Variants in CCDC85A observed in about 807,000 individuals in gnomAD.
CCDC85A encodes coiled-coil domain containing 85A.
Under a neutral mutation model 50.2 loss-of-function variants are expected in CCDC85A, and 38 were observed. That is an observed-to-expected ratio of 0.76 (90% CI 0.58 to 0.99). The LOEUF is 0.99. CCDC85A is among the 50% of genes least tolerant of loss of function. The pLI is 0.00. For missense variants in CCDC85A, 820 were observed against 742.0 expected (o/e 1.11, Z -1.22); for synonymous variants, 366 against 301.4 (o/e 1.21, Z -2.22).
intron 3 of CCDC85A, among the ~76,000 whole-genome samples, chr2:56,365,580 T>G (rs1332686604): frequency 2.0e-5 from 3 of 152,128 alleles, no homozygotes; most frequent in African/African-American, 7.2e-5. Flanking sequence ...CACTCTGGGG[T>G]ATAAATTACT....
At chr2:56,314,082 A>G (rs1355702180) in intron 2 of CCDC85A, among the ~76,000 whole-genome samples, 1 of 147,784 alleles carries the variant, frequency 6.8e-6, no homozygotes, top group Non-Finnish European at 1.5e-5. Context: ...TTGAGATTGG[A>G]TCTAGTATGA....
intron 2 of CCDC85A, among the ~76,000 whole-genome samples, chr2:56,202,964 T>C (rs1271767162): frequency 1.3e-5 from 2 of 152,162 alleles, no homozygotes; most frequent in Admixed American, 6.5e-5. Flanking sequence ...AGTCAACTTA[T>C]AGTAAGGAAG....
intron 2 of CCDC85A, among the ~76,000 whole-genome samples, chr2:56,304,944 A>T (rs202161938): frequency 9.8e-6 from 1 of 102,188 alleles, no homozygotes; most frequent in Non-Finnish European, 2.0e-5. Flanking sequence ...ACAAAAAAAC[A>T]AAAAAAAAAA....
In CCDC85A at chr2:56,342,089, A is replaced by G. The variant is rs1194854497; in HGVS notation, c.1241-790A>G. Among the ~76,000 whole-genome samples the G allele has an allele frequency of 2.6e-5, 4 of 152,168 alleles. No individual in the cohort carries two copies. In the East Asian group the frequency reaches 7.7e-4, roughly 29 times the overall value. On this transcript the variant is annotated intron_variant, in intron 2 of 5. Transcript: ENST00000407595. ...ACAACTCATTGACAACTCAAAATGT[A>G]CAAAATCAGAAGAAAAGAGTATAAT...
intron 2 of CCDC85A, among the ~76,000 whole-genome samples, chr2:56,325,049 A>G (rs1300118844): frequency 6.6e-6 from 1 of 152,136 alleles, no homozygotes; most frequent in African/African-American, 2.4e-5. Context: ...ATCTTCTTTG[A>G]AAGTTAAAGA....
rs114478626 is a variant in CCDC85A at position 56,345,139 on chromosome 2, C to T, written c.1317+2184C>T. ...CTCAATTTAAAGTGTTCAGTTATAT[C>T]CTTTGAAATACATTACTATTTTGCT... is the stretch of plus-strand genomic sequence containing the variant. On this transcript the variant is annotated intron_variant, in intron 3 of 5. Transcript: ENST00000407595. Among the ~76,000 whole-genome samples the T allele has an allele frequency of 5.3e-3, 803 of 152,176 alleles. 4 individuals carry two copies. Among genetic ancestry groups the T allele is most frequent in the Non-Finnish European group, 6.6e-3 (449 of 67,990 alleles).
intron 2 of CCDC85A, among the ~76,000 whole-genome samples, chr2:56,273,930 G>C (rs978881160): frequency 6.6e-6 from 1 of 152,168 alleles, no homozygotes; most frequent in Non-Finnish European, 1.5e-5. Context: ...AACTATGCTA[G>C]TGAGAAAACT....
chr2:56,210,358 A>G (rs1191885813), intron 2 of CCDC85A, among the ~76,000 whole-genome samples: 1 of 152,110 alleles, frequency 6.6e-6, no homozygotes, highest in Non-Finnish European at 1.5e-5. Flanking sequence ...ACATTGCCAC[A>G]TGACTGCAGT....
intron 2 of CCDC85A, among the ~76,000 whole-genome samples, chr2:56,241,855 T>G (rs1669271636): frequency 6.6e-6 from 1 of 152,228 alleles, no homozygotes. Context: ...ACAGTGGAAT[T>G]GCTGGATCAT....
intron 5 of CCDC85A, chr2:56,383,763 T>C (rs2104412012): frequency 1.0e-6 from 1 of 984,478 alleles, no homozygotes; most frequent in Admixed American, 6.2e-5. Flanking sequence ...CTCCTTCATT[T>C]TCCTCAGCAC....
intron 2 of CCDC85A, among the ~76,000 whole-genome samples, chr2:56,308,222 T>C (rs1276671602): frequency 6.6e-6 from 1 of 152,192 alleles, no homozygotes; most frequent in Non-Finnish European, 1.5e-5. Context: ...TATCAAAATA[T>C]TTCTGTTCTG....
At chr2:56,228,947 A>T in intron 2 of CCDC85A, among the ~76,000 whole-genome samples, 1 of 152,228 alleles carries the variant, frequency 6.6e-6, no homozygotes, top group Admixed American at 6.5e-5. Flanking sequence ...ACATTTAAAT[A>T]ACAAGCCTTC....
At chr2:56,341,350 G>C (rs919314235) in intron 2 of CCDC85A, among the ~76,000 whole-genome samples, 1 of 152,042 alleles carries the variant, frequency 6.6e-6, no homozygotes, top group African/African-American at 2.4e-5. Context: ...TAGAGAGACA[G>C]TTAACAACCA....
intron 2 of CCDC85A, among the ~76,000 whole-genome samples, chr2:56,196,959 T>G (rs1056927479): frequency 2.0e-5 from 3 of 151,964 alleles, no homozygotes; most frequent in African/African-American, 7.3e-5. Flanking sequence ...AGAGCAAGTT[T>G]CAGTGAGCAG....
intron 2 of CCDC85A, among the ~76,000 whole-genome samples, chr2:56,313,305 T>G (rs929016636): frequency 2.6e-5 from 4 of 152,182 alleles, no homozygotes; most frequent in African/African-American, 9.6e-5. Context: ...AAATCTCATG[T>G]GTGCTATATC....
intron 2 of CCDC85A, among the ~76,000 whole-genome samples, chr2:56,245,815 C>T (rs1390835554): frequency 6.6e-6 from 1 of 152,162 alleles, no homozygotes; most frequent in East Asian, 1.9e-4. Flanking sequence ...ATTTGGGCAG[C>T]TTGCCCTTCT....
intron 2 of CCDC85A, among the ~76,000 whole-genome samples, chr2:56,335,224 G>C (rs574575500): frequency 6.6e-6 from 1 of 152,212 alleles, no homozygotes; most frequent in Admixed American, 6.5e-5. Flanking sequence ...AAAACACTTT[G>C]TTCAGAACAG....
At chr2:56,264,347 G>A (rs1454318457) in intron 2 of CCDC85A, among the ~76,000 whole-genome samples, 2 of 151,978 alleles carry the variant, frequency 1.3e-5, no homozygotes, top group African/African-American at 4.8e-5. Context: ...CCCCAAAACT[G>A]CTCCCCTGGC....
chr2:56,290,898 C>T (rs1050584715), intron 2 of CCDC85A, among the ~76,000 whole-genome samples: 2 of 152,244 alleles, frequency 1.3e-5, no homozygotes, highest in East Asian at 1.9e-4. Flanking sequence ...GTCAGGTTTC[C>T]TTACTGTAAT....
Sources: allele counts gnomAD v4.1 joint callset (sites outside exome capture counted in the v4.1 genomes callset), GRCh38; gene constraint gnomAD v4.1.1; transcripts MANE v1.5; gene names NCBI Gene and HGNC (gene_info 2026-07-23, HGNC 2026-07-21).